The following ALPL variants were observed in gnomAD, a reference collection of about 807,000 sequenced individuals.
ALPL encodes alkaline phosphatase, tissue-nonspecific isozyme.
In ALPL, 42 loss-of-function variants were observed where a neutral mutation model predicts 51.3. That is an observed-to-expected ratio of 0.82 (90% CI 0.64 to 1.06). The LOEUF is 1.06. ALPL is among the 50% of genes least tolerant of loss of function. The pLI is 0.00. For synonymous variants in ALPL, 279 were observed against 296.4 expected, an observed-to-expected ratio of 0.94 and a Z score of 0.60; for missense variants, 589 against 709.4, an observed-to-expected ratio of 0.83 and a Z score of 1.93.
chr1:21,543,542 A>T (rs1378262111), intron 1 of ALPL, among the ~76,000 whole-genome samples: 1 of 152,100 alleles, frequency 6.6e-6, no homozygotes, highest in African/African-American at 2.4e-5. Flanking sequence ...AGCCGAGATC[A>T]CGCCATTGCA....
chr1:21,568,028 A>G, intron 6 of ALPL, 76 bp from the exon 7 acceptor site: 1 of 1,605,226 alleles, frequency 6.2e-7, no homozygotes, highest in Non-Finnish European at 8.5e-7. Context: ...CCAGGAGTCC[A>G]GGTTCCAAGC....
At chr1:21,570,692 G>A (rs996333500) in intron 8 of ALPL, among the ~76,000 whole-genome samples, 4 of 152,192 alleles carry the variant, frequency 2.6e-5, no homozygotes, top group African/African-American at 9.7e-5. Flanking sequence ...TGGGAACTGG[G>A]ACTTAACAGC....
rs1553412351 is a variant in ALPL, at chr1:21,563,261, T to A, written c.449T>A (p.Ile150Asn). The stretch of plus-strand genomic sequence containing the variant: ...ACCCAGGGGAACGAGGTCACCTCCA[T>A]CCTGCGCTGGGCCAAGGACGCTGGT... ...NTTQGNEVTS[I>N]LRWAKDAGKS... The change falls in exon 5 of 12, where the codon ATC becomes AAC. Residue 150 changes from isoleucine to asparagine, a missense_variant. Coordinates refer to ENST00000374840, the MANE Select transcript of ALPL (RefSeq NM_000478.6). 1 of 1,613,024 alleles carries A rather than the reference T, an allele frequency of 6.2e-7. No individual in the cohort carries two copies. Among genetic ancestry groups the A allele is most frequent in the Non-Finnish European group, 8.5e-7 (1 of 1,179,522 alleles).
intron 1 of ALPL, among the ~76,000 whole-genome samples, chr1:21,535,551 G>T (rs573384529): frequency 2.0e-4 from 30 of 152,024 alleles, no homozygotes; most frequent in Non-Finnish European, 2.4e-4. Flanking sequence ...GGAGGTTGAG[G>T]CTGCAGTGAG....
chr1:21,510,321 A>C (rs1643660294), intron 1 of ALPL, among the ~76,000 whole-genome samples: 1 of 152,088 alleles, frequency 6.6e-6, no homozygotes, highest in Non-Finnish European at 1.5e-5. Flanking sequence ...TCAACACATA[A>C]TGGGGTCGAA....
intron 8 of ALPL, among the ~76,000 whole-genome samples, chr1:21,571,387 T>A (rs1191874879): frequency 1.3e-5 from 2 of 152,162 alleles, no homozygotes; most frequent in African/African-American, 4.8e-5. Context: ...TTAGGCCAGG[T>A]GCAGGCCGGG....
intron 8 of ALPL, among the ~76,000 whole-genome samples, chr1:21,573,104 G>A (rs982438463): frequency 3.3e-5 from 5 of 152,232 alleles, no homozygotes; most frequent in African/African-American, 9.6e-5. Context: ...AACGGGCATG[G>A]TGATCCCACC....
intron 8 of ALPL, 82 bp downstream of exon 8, chr1:21,570,456 G>T (rs1400018745): frequency 2.8e-6 from 4 of 1,448,710 alleles, no homozygotes; most frequent in Non-Finnish European, 3.8e-6. Context: ...CTGGGGACAA[G>T]GCCCTAGCCT....
intron 1 of ALPL, among the ~76,000 whole-genome samples, chr1:21,546,675 G>A (rs184305207): frequency 7.2e-4 from 109 of 152,346 alleles, no homozygotes; most frequent in African/African-American, 2.3e-3. Context: ...TAAAGCCTCC[G>A]TAGGCTGCTG....
At chr1:21,554,851 TTC>T (rs1444541184) in intron 2 of ALPL, among the ~76,000 whole-genome samples, 1 of 135,398 alleles carries the variant, frequency 7.4e-6, no homozygotes, top group Non-Finnish European at 1.6e-5. Context: ...CTTTCTTTCT[TTC>T]TTTCTTTCTT....
chr1:21,522,008 G>A (rs1244767517), intron 1 of ALPL, among the ~76,000 whole-genome samples: 1 of 151,920 alleles, frequency 6.6e-6, no homozygotes, highest in Non-Finnish European at 1.5e-5. Context: ...CATGACCTCT[G>A]TGCCTCAGTT....
chr1:21,515,604 A>G (rs12047949), intron 1 of ALPL, among the ~76,000 whole-genome samples: 76,016 of 151,770 alleles, frequency 0.5, 19,103 homozygotes, highest in Middle Eastern at 0.54. Context: ...GGCCAGGTTG[A>G]TCTTGAACTC....
chr1:21,510,741 G>T (rs534522005), intron 1 of ALPL, among the ~76,000 whole-genome samples: 1 of 152,186 alleles, frequency 6.6e-6, no homozygotes, highest in African/African-American at 2.4e-5. Flanking sequence ...GGCTCAGCCC[G>T]CTCTTCCTCC....
chr1:21,520,110 A>AG (rs1448115696), intron 1 of ALPL, among the ~76,000 whole-genome samples: 8 of 151,666 alleles, frequency 5.3e-5, no homozygotes, highest in African/African-American at 1.9e-4. Context: ...TCTATTTTTC[A>AG]GGTTTTTTTT....
At position 21,578,088 on chromosome 1, in the gene ALPL, T is replaced by G; in HGVS notation, c.*440T>G. ...AACCCCCCAGGCCCTACAATGCTCA[T>G]GTCCCTGTCCCCAGGCCCAGCCCTC... On this transcript the variant is annotated 3_prime_UTR_variant, in exon 12 of 12. Coordinates refer to ENST00000374840, the MANE Select transcript of ALPL (RefSeq NM_000478.6). This position sits in a 1 kb window ranked among gnomAD's most constrained non-coding sequence, Gnocchi z 4.2. 1 of 193,376 alleles carries G rather than the reference T, an allele frequency of 5.2e-6. No homozygotes were observed. The highest frequency in any genetic ancestry group is 2.3e-5 in the African/African-American group (1 of 42,794). 12.0% of individuals were successfully genotyped at this position (193,376 alleles called of 1,614,324 possible).
intron 1 of ALPL, among the ~76,000 whole-genome samples, chr1:21,527,756 G>A (rs1031046262): frequency 6.6e-6 from 1 of 151,888 alleles, no homozygotes; most frequent in Admixed American, 6.6e-5. Context: ...TACCTTGTTG[G>A]CTAGGCTGGT....
At chr1:21,544,541 A>G (rs1262621012) in intron 1 of ALPL, among the ~76,000 whole-genome samples, 1 of 152,196 alleles carries the variant, frequency 6.6e-6, no homozygotes, top group Non-Finnish European at 1.5e-5. Context: ...TCAGGAGTTC[A>G]AGAATAGCCT....
intron 1 of ALPL, among the ~76,000 whole-genome samples, chr1:21,517,529 T>G (rs190385856): frequency 6.6e-6 from 1 of 152,220 alleles, no homozygotes; most frequent in East Asian, 1.9e-4. Context: ...AGACAGAACA[T>G]AGACACACCT....
chr1:21,528,925 C>T (rs988699234), intron 1 of ALPL, among the ~76,000 whole-genome samples: 1 of 151,588 alleles, frequency 6.6e-6, no homozygotes, highest in African/African-American at 2.4e-5. Flanking sequence ...CAAAAATTAG[C>T]TGGGTGTGGT....
Sources: allele counts gnomAD v4.1 joint callset (sites outside exome capture counted in the v4.1 genomes callset), GRCh38; gene constraint gnomAD v4.1.1; non-coding constraint Gnocchi (gnomAD v3.1); transcripts MANE v1.5; gene names NCBI Gene and HGNC (gene_info 2026-07-23, HGNC 2026-07-21).